XIRP2: variants seen among roughly 807,000 people sequenced by gnomAD.
XIRP2 encodes xin actin binding repeat containing 2, also known as xin actin-binding repeat-containing protein 2.
Under a neutral mutation model 277.0 loss-of-function variants are expected in XIRP2, and 236 were observed. The observed-to-expected ratio is 0.85, with a 90% CI of 0.77 to 0.95. The LOEUF is 0.95. Among genes scored for constraint, XIRP2 ranks in the 40% least tolerant of loss-of-function variants. The pLI is 0.00. For missense variants in XIRP2, 4,640 were observed against 4,157.5 expected (o/e 1.12, Z -3.19); for synonymous variants, 1,490 against 1,416.5 (o/e 1.05, Z -1.17).
At chr2:167,198,572 C>T (rs1293502893) in intron 3 of XIRP2, among the ~76,000 whole-genome samples, 2 of 152,074 alleles carry the variant, frequency 1.3e-5, no homozygotes, top group African/African-American at 2.4e-5. Flanking sequence ...CTTAACATTT[C>T]GGTTTAACAT....
intron 3 of XIRP2, among the ~76,000 whole-genome samples, chr2:167,143,129 A>G (rs921098804): frequency 6.6e-6 from 1 of 151,954 alleles, no homozygotes; most frequent in African/African-American, 2.4e-5. Flanking sequence ...TAAAATCCAT[A>G]AATTCAGCAA....
chr2:166,931,109 A>G (rs747556801), intron 2 of XIRP2, among the ~76,000 whole-genome samples: 6 of 152,192 alleles, frequency 3.9e-5, no homozygotes, highest in Non-Finnish European at 5.9e-5. Context: ...TGGAGACTGA[A>G]AAAGAAGATT....
intron 2 of XIRP2, among the ~76,000 whole-genome samples, chr2:167,080,682 T>C (rs1414562975): frequency 6.6e-6 from 1 of 152,228 alleles, no homozygotes; most frequent in Admixed American, 6.5e-5. Flanking sequence ...GGATTCTGTT[T>C]ACTGTATGAA....
chr2:167,212,804 T>C (rs1694093416), intron 4 of XIRP2, among the ~76,000 whole-genome samples: 1 of 152,102 alleles, frequency 6.6e-6, no homozygotes, highest in South Asian at 2.1e-4. Flanking sequence ...GCACATATAT[T>C]ATCTCAGCAG....
chr2:167,139,147 A>T (rs1344570117), intron 3 of XIRP2, among the ~76,000 whole-genome samples: 17 of 151,476 alleles, frequency 1.1e-4, no homozygotes, highest in Non-Finnish European at 1.5e-5. Context: ...TTTCTTTTAG[A>T]TATTTTAAGA....
At chr2:167,201,466 T>C (rs1346881126) in intron 3 of XIRP2, among the ~76,000 whole-genome samples, 1 of 152,012 alleles carries the variant, frequency 6.6e-6, no homozygotes, top group Non-Finnish European at 1.5e-5. Context: ...CCACCTCCCA[T>C]CCCCTGGAGC....
At chr2:167,183,969 C>T (rs987525856) in intron 3 of XIRP2, among the ~76,000 whole-genome samples, 9 of 152,160 alleles carry the variant, frequency 5.9e-5, no homozygotes, top group Non-Finnish European at 1.0e-4. Flanking sequence ...AGATCCTTTT[C>T]TCCTCAACAT....
At chr2:167,003,266 G>T (rs1687419070) in intron 2 of XIRP2, among the ~76,000 whole-genome samples, 1 of 151,692 alleles carries the variant, frequency 6.6e-6, no homozygotes. Context: ...TTCCCTTGAA[G>T]AATTTTTACC....
At chr2:167,008,885 T>C (rs1487722047) in intron 2 of XIRP2, among the ~76,000 whole-genome samples, 3 of 151,484 alleles carry the variant, frequency 2.0e-5, no homozygotes, top group African/African-American at 4.8e-5. Context: ...TATTGTATAA[T>C]GTCTCCTTTC....
intron 3 of XIRP2, among the ~76,000 whole-genome samples, chr2:167,181,790 TA>T (rs1179709335): frequency 6.6e-6 from 1 of 152,172 alleles, no homozygotes; most frequent in Non-Finnish European, 1.5e-5. Context: ...TTTTATTTTT[TA>T]TATTGGGAGC....
chr2:167,024,372 C>G (rs1164751282), intron 2 of XIRP2, among the ~76,000 whole-genome samples: 3 of 152,050 alleles, frequency 2.0e-5, no homozygotes, highest in African/African-American at 7.2e-5. Flanking sequence ...ATGGAGTTTT[C>G]TAGATATGCA....
intron 7 of XIRP2, 24 bp from the exon 8 acceptor site, chr2:167,241,753 C>T: frequency 6.3e-7 from 1 of 1,585,552 alleles, no homozygotes; most frequent in Non-Finnish European, 8.6e-7. Flanking sequence ...ACATAGTAAC[C>T]CTGGTGTGTT....
chr2:167,213,983 C>T (rs1311567403), intron 4 of XIRP2, among the ~76,000 whole-genome samples: 2 of 151,512 alleles, frequency 1.3e-5, no homozygotes, highest in Non-Finnish European at 2.9e-5. Flanking sequence ...CTTTGGGAGG[C>T]TGAGGTGGGT....
chr2:166,941,448 T>C (rs1472909126), intron 2 of XIRP2, among the ~76,000 whole-genome samples: 4 of 152,162 alleles, frequency 2.6e-5, no homozygotes, highest in Non-Finnish European at 5.9e-5. Flanking sequence ...CTATATCCAC[T>C]GTCCTGCACC....
At chr2:166,889,153 C>T (rs1684032816) in intron 1 of XIRP2, among the ~76,000 whole-genome samples, 2 of 152,318 alleles carry the variant, frequency 1.3e-5, no homozygotes, top group Admixed American at 1.3e-4. Flanking sequence ...CACCCACTAA[C>T]ATGTGATCTA....
intron 2 of XIRP2, among the ~76,000 whole-genome samples, chr2:166,925,193 TAGGG>T (rs1435245062): frequency 1.3e-5 from 2 of 152,078 alleles, no homozygotes; most frequent in African/African-American, 2.4e-5. Context: ...TGAAACATCT[TAGGG>T]AGGTCTAATA....
chr2:167,026,740 C>A (rs1037928691), intron 2 of XIRP2, among the ~76,000 whole-genome samples: 1 of 151,980 alleles, frequency 6.6e-6, no homozygotes, highest in Non-Finnish European at 1.5e-5. Context: ...ATATTAAATT[C>A]TGGGTTGAAA....
chr2:167,110,213 G>A (rs1368523159), intron 2 of XIRP2, among the ~76,000 whole-genome samples: 1 of 151,840 alleles, frequency 6.6e-6, no homozygotes, highest in Admixed American at 6.6e-5. Flanking sequence ...CCTTGCAATT[G>A]CTTTGGAATC....
intron 2 of XIRP2, among the ~76,000 whole-genome samples, chr2:167,073,455 C>T (rs1212218897): frequency 6.6e-6 from 1 of 152,044 alleles, no homozygotes; most frequent in Non-Finnish European, 1.5e-5. Flanking sequence ...TGGTACACTT[C>T]TTGGTACTCA....
Sources: allele counts gnomAD v4.1 joint callset (sites outside exome capture counted in the v4.1 genomes callset), GRCh38; gene constraint gnomAD v4.1.1; transcripts MANE v1.5; gene names NCBI Gene and HGNC (gene_info 2026-07-23, HGNC 2026-07-21).